The following SLC35B2 variants were observed in gnomAD, a reference collection of about 807,000 sequenced individuals.
The protein encoded by SLC35B2 is adenosine 3'-phospho 5'-phosphosulfate transporter 1.
In SLC35B2, 19 loss-of-function variants were observed where a neutral mutation model predicts 37.9. That is an observed-to-expected ratio of 0.50 (90% CI 0.35 to 0.74). The LOEUF (loss-of-function observed/expected upper bound fraction) is 0.74. Among genes scored for constraint, SLC35B2 ranks in the 30% least tolerant of loss-of-function variants. SLC35B2 has a pLI of 0.01. For missense variants in SLC35B2, 633 were observed against 547.6 expected (o/e 1.16, Z -1.56); for synonymous variants, 277 against 225.2 (o/e 1.23, Z -2.06).
Position 44,257,387 on chromosome 6 carries a change from C to T in SLC35B2, c.11+13G>A. 7.8e-7 allele frequency: 1 copy of T among 1,286,064 alleles called. No individual in the cohort carries two copies. The highest frequency in any genetic ancestry group is 9.9e-7 in the Non-Finnish European group (1 of 1,009,398). The allele number at this position is 1,286,064 out of a possible 1,614,324, so 79.7% of individuals were successfully genotyped here. On this transcript the variant is annotated intron_variant, in intron 1 of 3. Coordinates refer to ENST00000393812, the MANE Select transcript of SLC35B2 (RefSeq NM_178148.4). ...GCTCGGTCACGTGAGCTCGCTGCTG[C>T]CCTAGCCCCCACCTGGCGTCCATGG...
rs36092647 is a variant in SLC35B2, at chr6:44,257,012, C to CCTCTCT, written c.12-140_12-135dup. 94 of 798,516 alleles carry CCTCTCT rather than the reference C, an allele frequency of 1.2e-4. No homozygotes were observed. The African/African-American group carries it at 1.2e-3, about 10-fold the overall frequency. 49.5% of individuals were successfully genotyped at this position (798,516 alleles called of 1,614,324 possible). ...CTGCAGCTCCGGCCCGGACAAAGAG[C>CCTCTCT]CTCTCTCTCTCTCTCTCTCTCGGGG... On this transcript the variant is annotated intron_variant, in intron 1 of 3. Transcript: ENST00000393812.
chr6:44,257,329 C>A, intron 1 of SLC35B2, 71 bp downstream of exon 1: 1 of 1,316,200 alleles, frequency 7.6e-7, no homozygotes, highest in Non-Finnish European at 9.7e-7. Flanking sequence ...ACCCGGCCCC[C>A]GTGCTGAGGC....
At position 44,254,998 on chromosome 6, in the gene SLC35B2, T is replaced by A. The variant is rs565384996; in HGVS notation, c.1007A>T (p.Glu336Val). Residue 336 changes from glutamate (E) to valine (V), a missense_variant, in exon 4 of 4, where the codon GAG becomes GTG. Physicochemically the swap from Glu to Val is moderately radical, Grantham distance 121. Coordinates refer to ENST00000393812, the MANE Select transcript of SLC35B2 (RefSeq NM_178148.4). ...EGTRFMGRHS[E>V]FAAHALLLSI... is the part of the protein sequence containing the mutation. ...GAGTAGCAGGGCATGGGCAGCAAAC[T>A]CACTGTGTCGCCCCATGAAGCGGGT... is the stretch of plus-strand genomic sequence containing the variant. The A allele has an allele frequency of 6.2e-7, 1 of 1,614,120 alleles. No individual in the cohort carries two copies. Among genetic ancestry groups the A allele is most frequent in the East Asian group, 2.2e-5 (1 of 44,878 alleles).
At position 44,254,427 on chromosome 6, in the gene SLC35B2, G is replaced by GA; in HGVS notation, c.*278dup. The GA allele has an allele frequency of 2.6e-6, 1 of 385,800 alleles. No homozygotes were observed. The highest frequency in any genetic ancestry group is 4.3e-5 in the South Asian group (1 of 23,194). The allele number at this position is 385,800 out of a possible 1,614,324, so 23.9% of individuals were successfully genotyped here. A position where few individuals can be genotyped will look rare whatever the true frequency, so the allele number is the denominator to read the frequency against. On this transcript the variant is annotated 3_prime_UTR_variant, in exon 4 of 4. Coordinates refer to ENST00000393812, the MANE Select transcript of SLC35B2 (RefSeq NM_178148.4). ...AGGGAACTTGTGGGAAGAGTAACTG[G>GA]AACCTACCTATGCTCTCTTGACCCC...
Position 44,257,498 on chromosome 6 carries a change from A to G in SLC35B2, c.-88T>C, listed in dbSNP as rs1781699787. On this transcript the variant is annotated 5_prime_UTR_variant, in exon 1 of 4. Coordinates refer to ENST00000393812, the MANE Select transcript of SLC35B2 (RefSeq NM_178148.4). ...CTGCGCTCCCGCCGCCGCCTCCAGG[A>G]GCGGCCAGCGAGCCAGCGGCCAGCG... 1.7e-6 allele frequency: 2 copies of G among 1,191,876 alleles called. No homozygotes were observed. The highest frequency in any genetic ancestry group is 2.1e-6 in the Non-Finnish European group (2 of 946,220). 73.8% of individuals were successfully genotyped at this position (1,191,876 alleles called of 1,614,324 possible).
rs760704006 is a variant in SLC35B2, at chr6:44,255,158, T to C, written c.847A>G (p.Ser283Gly). The C allele has an allele frequency of 4.3e-6, 7 of 1,614,182 alleles. No individual in the cohort carries two copies. The Admixed American group carries it at 1.2e-4, about 27-fold the overall frequency. The stretch of plus-strand genomic sequence containing the variant: ...GCATCCTGCCAGTTTGAGGTGAAGC[T>C]GTCAAAAGCAATATAACCTGCCAGT... ...ILLAGYIAFD[S>G]FTSNWQDALF... Residue 283 changes from serine (S) to glycine (G), a missense_variant, in exon 4 of 4, where the codon AGC (serine) becomes GGC (glycine). By Grantham distance (56) the Ser-to-Gly change is moderately conservative. Transcript: ENST00000393812.
At position 44,254,596 on chromosome 6, in the gene SLC35B2, CT is replaced by C. The variant is rs1201199130; in HGVS notation, c.*109del. 2 of 1,257,998 alleles carry C rather than the reference CT, an allele frequency of 1.6e-6. No homozygotes were observed. The highest frequency in any genetic ancestry group is 2.3e-5 in the Admixed American group (1 of 44,418). 77.9% of individuals were successfully genotyped at this position (1,257,998 alleles called of 1,614,324 possible). On this transcript the variant is annotated 3_prime_UTR_variant, in exon 4 of 4. Coordinates refer to ENST00000393812, the MANE Select transcript of SLC35B2 (RefSeq NM_178148.4). ...CCTGCTGCAGAGCTGGTCTGTGATA[CT>C]GAGAAAACACCTGCATTTTGCCCTT...
In SLC35B2 at chr6:44,255,651, G is replaced by A. The variant is rs1407689998; in HGVS notation, c.361-7C>T. 6.2e-7 allele frequency: 1 copy of A among 1,606,164 alleles called. No individual in the cohort carries two copies. Among genetic ancestry groups the A allele is most frequent in the South Asian group, 1.1e-5 (1 of 90,474 alleles). ...CCCAAGTCAGATAAGACACCTGTTG[G>A]GGAAGGTAGAGACAAAGGAGACAAT... On this transcript the variant is annotated splice_region_variant and splice_polypyrimidine_tract_variant and intron_variant, in intron 3 of 3. Coordinates refer to ENST00000393812, the MANE Select transcript of SLC35B2 (RefSeq NM_178148.4).
At chr6:44,257,042 G>A (rs1253545959) in intron 1 of SLC35B2, 164 bp from the exon 2 acceptor site, 1 of 820,720 alleles carries the variant, frequency 1.2e-6, no homozygotes, top group African/African-American at 1.7e-5. Flanking sequence ...TCGGGGAGGG[G>A]GTGCGCCGGC....
Position 44,255,468 on chromosome 6 carries a change from A to C in SLC35B2, c.537T>G (p.His179Gln). 1 of 1,614,232 alleles carries C rather than the reference A, an allele frequency of 6.2e-7. No homozygotes were observed. The highest frequency in any genetic ancestry group is 8.5e-7 in the Non-Finnish European group (1 of 1,180,044). ...LSCVLCKQPR[H>Q]GAPMYRYSFA... Reference sequence around the variant, plus strand: ...AGGAGTACCGGTACATGGGTGCCCCATGCCGGGGCTGCTTGCAGAGAACAC... The same window carrying C: ...AGGAGTACCGGTACATGGGTGCCCCCTGCCGGGGCTGCTTGCAGAGAACAC... Residue 179 changes from histidine to glutamine, a missense_variant, in exon 4 of 4, where the codon CAT becomes CAG. Coordinates refer to ENST00000393812, the MANE Select transcript of SLC35B2 (RefSeq NM_178148.4).
chr6:44,255,114 CATCTT>C lies in SLC35B2; in HGVS notation c.886_890del (p.Lys296ValfsTer39). ...CCCCAAACATCATCTGCACCGATGA[CATCTT>C]ATAGGCAAACAGGGCATCCTGCCAG... is the stretch of plus-strand genomic sequence containing the variant. On this transcript the variant is annotated frameshift_variant, in exon 4 of 4. Transcript: ENST00000393812. LOFTEE classifies it high-confidence loss of function. 12 of 1,614,226 alleles carry C rather than the reference CATCTT, an allele frequency of 7.4e-6. No individual in the cohort carries two copies. Among genetic ancestry groups the C allele is most frequent in the South Asian group, 3.3e-5 (3 of 91,084 alleles).
upstream of SLC35B2, chr6:44,257,585 C>G: frequency 2.1e-6 from 1 of 468,320 alleles, no homozygotes; most frequent in Non-Finnish European, 3.0e-6. Context: ...CGCGACCACG[C>G]AGCGCCCCGG....
At position 44,257,496 on chromosome 6, in the gene SLC35B2, G is replaced by C; in HGVS notation, c.-86C>G. 1 of 1,204,478 alleles carries C rather than the reference G, an allele frequency of 8.3e-7. No individual in the cohort carries two copies. The highest frequency in any genetic ancestry group is 1.0e-6 in the Non-Finnish European group (1 of 957,126). The allele number at this position is 1,204,478 out of a possible 1,614,324, so 74.6% of individuals were successfully genotyped here. Reference sequence around the variant, plus strand: ...CCCTGCGCTCCCGCCGCCGCCTCCAGGAGCGGCCAGCGAGCCAGCGGCCAG... The same window carrying C: ...CCCTGCGCTCCCGCCGCCGCCTCCACGAGCGGCCAGCGAGCCAGCGGCCAG... On this transcript the variant is annotated 5_prime_UTR_variant, in exon 1 of 4. Transcript: ENST00000393812.
At chr6:44,257,358 G>C (rs889428720) in intron 1 of SLC35B2, 42 bp downstream of exon 1, 9 of 1,321,094 alleles carry the variant, frequency 6.8e-6, no homozygotes, top group Admixed American at 3.7e-5. Flanking sequence ...CACGTGGCCC[G>C]GGGGCTCGGT....
At position 44,255,502 on chromosome 6, in the gene SLC35B2, C is replaced by G; in HGVS notation, c.503G>C (p.Gly168Ala). Residue 168 changes from glycine to alanine, a missense_variant, in exon 4 of 4, where the codon GGC becomes GCC. Transcript: ENST00000393812. ...CTGCTTGCAGAGAACACAGGAGAGG[C>G]CAGCCACAATCAGTGCCAGCACTCG... is the stretch of plus-strand genomic sequence containing the variant. ...MNRVLALIVAGLSCVLCKQPR... is the reference protein window; with the variant it reads ...MNRVLALIVAALSCVLCKQPR... The G allele has an allele frequency of 6.2e-7, 1 of 1,614,184 alleles. No homozygotes were observed. Among genetic ancestry groups the G allele is most frequent in the Non-Finnish European group, 8.5e-7 (1 of 1,180,042 alleles).
rs374539257 is a variant in SLC35B2, at chr6:44,255,693, A to T, written c.361-49T>A. 21 of 1,532,858 alleles carry T rather than the reference A, an allele frequency of 1.4e-5. No individual in the cohort carries two copies. The Middle Eastern group carries it at 5.2e-4, about 38-fold the overall frequency. The allele number at this position is 1,532,858 out of a possible 1,614,324, so 95.0% of individuals were successfully genotyped here. A position where few individuals can be genotyped will look rare whatever the true frequency, so the allele number is the denominator to read the frequency against. Reference sequence around the variant, plus strand: ...GGAGACAATAAGCAAGATAATGAAAAGGTAGACAAAAATTGACCTCTCTCT... The same window carrying T: ...GGAGACAATAAGCAAGATAATGAAATGGTAGACAAAAATTGACCTCTCTCT... On this transcript the variant is annotated intron_variant, in intron 3 of 3. Coordinates refer to ENST00000393812, the MANE Select transcript of SLC35B2 (RefSeq NM_178148.4).
At position 44,255,025 on chromosome 6, in the gene SLC35B2, C is replaced by A; in HGVS notation, c.980G>T (p.Gly327Val). 1 of 1,614,188 alleles carries A rather than the reference C, an allele frequency of 6.2e-7. No homozygotes were observed. The highest frequency in any genetic ancestry group is 8.5e-7 in the Non-Finnish European group (1 of 1,180,032). ...SLLEQGALLE[G>V]TRFMGRHSEF... ...ACTGTGTCGCCCCATGAAGCGGGTT[C>A]CCTCCAGTAGGGCCCCCTGTTCTAG... The change falls in exon 4 of 4, where the codon GGA (glycine) becomes GTA (valine). Residue 327 changes from glycine to valine, a missense_variant. Coordinates refer to ENST00000393812, the MANE Select transcript of SLC35B2 (RefSeq NM_178148.4).
At chr6:44,256,261 G>C in intron 3 of SLC35B2, 81 bp downstream of exon 3, 1 of 1,522,364 alleles carries the variant, frequency 6.6e-7, no homozygotes, top group Non-Finnish European at 8.8e-7. Context: ...AAAGCTCTGG[G>C]ACTGGTAAAA....
In SLC35B2 at chr6:44,255,553, T is replaced by G; in HGVS notation, c.452A>C (p.Asp151Ala). 1.9e-6 allele frequency: 3 copies of G among 1,614,044 alleles called. No homozygotes were observed. Among genetic ancestry groups the G allele is most frequent in the Non-Finnish European group, 2.5e-6 (3 of 1,180,022 alleles). The stretch of plus-strand genomic sequence containing the variant: ...GTTCATTAGCACCAGGAACTGCGAG[T>G]CCGTAAAGCGCTCACCCGGTGATGT... ...TATSPGERFTDSQFLVLMNRV... is the reference protein window; with the variant it reads ...TATSPGERFTASQFLVLMNRV... The change falls in exon 4 of 4, where the codon GAC (aspartate) becomes GCC (alanine). Residue 151 changes from aspartate to alanine, a missense_variant. Asp to Ala is a moderately radical substitution (Grantham distance 126). Transcript: ENST00000393812.
Sources: gnomAD v4.1 joint callset for allele counts on GRCh38, gnomAD v4.1.1 for gene constraint, MANE v1.5 for transcripts, NCBI Gene and HGNC (gene_info 2026-07-23, HGNC 2026-07-21) for gene names.